Variants in GABRB1 observed in about 807,000 individuals in gnomAD.
The protein encoded by GABRB1 is gamma-aminobutyric acid type A receptor subunit beta1.
In GABRB1, 17 loss-of-function variants were observed where a neutral mutation model predicts 51.6. That is an observed-to-expected ratio of 0.33 (90% CI 0.23 to 0.49). GABRB1 has a LOEUF of 0.49. GABRB1 is among the 20% of genes least tolerant of loss of function. GABRB1 has a pLI of 0.99. For missense variants in GABRB1, 410 were observed against 600.6 expected (o/e 0.68, Z 3.32); for synonymous variants, 247 against 218.9 (o/e 1.13, Z -1.14).
rs866563112 is a variant in GABRB1, at chr4:47,377,043, T to A, written c.545-26275T>A. ...CCTCTAGCAATGAATTCTTTCAGGA[T>A]AAAAAAAAAGGGTAGAGAGTTCATT... On this transcript the variant is annotated intron_variant, in intron 5 of 8. Coordinates refer to ENST00000295454, the MANE Select transcript of GABRB1 (RefSeq NM_000812.4). Among the ~76,000 whole-genome samples the A allele has an allele frequency of 4.2e-3, 631 of 151,698 alleles. 1 individual carries two copies. Among genetic ancestry groups the A allele is most frequent in the Non-Finnish European group, 4.9e-3 (331 of 67,820 alleles).
Position 47,309,737 on chromosome 4 carries a change from A to G in GABRB1, c.462-10390A>G, listed in dbSNP as rs532389827. 4.6e-5 allele frequency among the ~76,000 whole-genome samples: 7 copies of G among 152,272 alleles called. No individual in the cohort carries two copies. The South Asian group carries it at 1.2e-3, about 27-fold the overall frequency. ...TACATACAATATAATCTCAATTTTA[A>G]GAAGAAAAGAAATTAATAATAAAAC... On this transcript the variant is annotated intron_variant, in intron 4 of 8. Transcript: ENST00000295454.
At chr4:47,376,886 T>A (rs1402189826) in intron 5 of GABRB1, among the ~76,000 whole-genome samples, 1 of 152,232 alleles carries the variant, frequency 6.6e-6, no homozygotes, top group Non-Finnish European at 1.5e-5. Flanking sequence ...ACAAGACAGA[T>A]GAGCTTTGCA....
intron 4 of GABRB1, among the ~76,000 whole-genome samples, chr4:47,238,831 A>G (rs1721422173): frequency 6.6e-6 from 1 of 152,216 alleles, no homozygotes; most frequent in South Asian, 2.1e-4. Context: ...GGCTGAATAT[A>G]CATATTAAAT....
At position 47,063,572 on chromosome 4, in the gene GABRB1, C is replaced by T. The variant is rs182873414; in HGVS notation, c.240+31088C>T. On this transcript the variant is annotated intron_variant, in intron 3 of 8. Coordinates refer to ENST00000295454, the MANE Select transcript of GABRB1 (RefSeq NM_000812.4). The stretch of plus-strand genomic sequence containing the variant: ...CCAACAAGGACACTGACCACTCCAA[C>T]TCTATCTGACAGGAGTGAGGAGAGC... Among the ~76,000 whole-genome samples the T allele has an allele frequency of 5.9e-5, 9 of 152,252 alleles. No individual in the cohort carries two copies. In the East Asian group the frequency reaches 1.5e-3, roughly 26 times the overall value.
intron 4 of GABRB1, among the ~76,000 whole-genome samples, chr4:47,209,047 A>G (rs1382750900): frequency 6.6e-6 from 1 of 152,168 alleles, no homozygotes; most frequent in African/African-American, 2.4e-5. Flanking sequence ...AAAGTATAAC[A>G]TGATGAACTG....
At chr4:47,392,338 CTTT>C (rs5858067) in intron 5 of GABRB1, among the ~76,000 whole-genome samples, 1 of 130,838 alleles carries the variant, frequency 7.6e-6, no homozygotes. Context: ...TCCCTTCCAC[CTTT>C]TTTTTTTTTT....
chr4:47,086,276 A>G (rs913347106), intron 3 of GABRB1, among the ~76,000 whole-genome samples: 7 of 152,208 alleles, frequency 4.6e-5, no homozygotes, highest in Non-Finnish European at 1.0e-4. Context: ...TACATGGTCA[A>G]CAGGAATTAG....
At chr4:47,094,949 C>T (rs1005761841) in intron 3 of GABRB1, among the ~76,000 whole-genome samples, 1 of 151,878 alleles carries the variant, frequency 6.6e-6, no homozygotes, top group African/African-American at 2.4e-5. Context: ...TAGGACTCAA[C>T]TTGAAAGAGA....
chr4:47,023,844 G>T (rs1475469353), intron 1 of GABRB1, among the ~76,000 whole-genome samples: 2 of 151,610 alleles, frequency 1.3e-5, no homozygotes, highest in Admixed American at 6.6e-5. Context: ...ATTGAGTAAG[G>T]GTGTAAACTA....
At chr4:47,029,181 G>A (rs531964221), upstream of GABRB1, among the ~76,000 whole-genome samples, 158 of 151,998 alleles carry the variant, frequency 1.0e-3, 1 homozygote, top group African/African-American at 3.3e-3. Flanking sequence ...TTTATCACTA[G>A]GGTATATTCT....
intron 5 of GABRB1, among the ~76,000 whole-genome samples, chr4:47,321,367 T>A (rs1036499847): frequency 5.9e-5 from 9 of 152,308 alleles, no homozygotes; most frequent in Non-Finnish European, 7.4e-5. Context: ...TGGAAATAGA[T>A]GAAGGTGTTA....
Position 47,032,073 on chromosome 4 carries a change from C to CAAAAAAA in GABRB1, c.172+75_172+81dup, listed in dbSNP as rs71654859. On this transcript the variant is annotated intron_variant, in intron 2 of 8. Coordinates refer to ENST00000295454, the MANE Select transcript of GABRB1 (RefSeq NM_000812.4). ...CTCCTTTTCTGTCAAAGATAAATGTCAAAAAAAAAAAAAGAAAAGGCATGT... is the reference window on the plus strand; with the variant it reads ...CTCCTTTTCTGTCAAAGATAAATGTCAAAAAAAAAAAAAAAAAAAAGAAAAGGCATGT... The CAAAAAAA allele has an allele frequency of 9.1e-4, 409 of 450,680 alleles. 15 individuals are homozygous for CAAAAAAA. The highest frequency in any genetic ancestry group is 3.4e-3 in the Admixed American group (72 of 20,920). 27.9% of individuals were successfully genotyped at this position (450,680 alleles called of 1,614,324 possible). A position where few individuals can be genotyped will look rare whatever the true frequency, so the allele number is the denominator to read the frequency against.
chr4:47,143,236 G>A (rs1244689769), intron 3 of GABRB1, among the ~76,000 whole-genome samples: 1 of 151,772 alleles, frequency 6.6e-6, no homozygotes, highest in Non-Finnish European at 1.5e-5. Context: ...TCATCAAAAA[G>A]AATTCCACAT....
Position 47,378,931 on chromosome 4 carries a change from C to T in GABRB1, c.545-24387C>T, listed in dbSNP as rs143451533. On this transcript the variant is annotated intron_variant, in intron 5 of 8. Transcript: ENST00000295454. Reference sequence around the variant, plus strand: ...TGAGACCAGAATCCAATTTCTGATTCAACGTCTTTTTCTCTCCGTCACACC... The same window carrying T: ...TGAGACCAGAATCCAATTTCTGATTTAACGTCTTTTTCTCTCCGTCACACC... Among the ~76,000 whole-genome samples the T allele has an allele frequency of 3.2e-3, 481 of 152,238 alleles. 6 individuals are homozygous for T. Among genetic ancestry groups the T allele is most frequent in the African/African-American group, 0.011 (438 of 41,540 alleles).
At chr4:47,420,693 G>A (rs1729066500) in intron 8 of GABRB1, among the ~76,000 whole-genome samples, 2 of 152,042 alleles carry the variant, frequency 1.3e-5, no homozygotes, top group Non-Finnish European at 2.9e-5. Context: ...TTTCTCCATG[G>A]ATATTATTTT....
chr4:47,352,774 C>A (rs1224832605), intron 5 of GABRB1, among the ~76,000 whole-genome samples: 1 of 152,146 alleles, frequency 6.6e-6, no homozygotes, highest in Non-Finnish European at 1.5e-5. Flanking sequence ...TTTGGGTTTG[C>A]TTATTTGAGA....
chr4:47,306,297 G>C (rs184624940), intron 4 of GABRB1, among the ~76,000 whole-genome samples: 75 of 148,268 alleles, frequency 5.1e-4, no homozygotes, highest in South Asian at 8.7e-4. Flanking sequence ...AAAAAGAAAA[G>C]AGGGATGGGA....
chr4:47,252,932 T>A (rs530982626), intron 4 of GABRB1, among the ~76,000 whole-genome samples: 67 of 152,300 alleles, frequency 4.4e-4, no homozygotes, highest in Non-Finnish European at 7.5e-4. Flanking sequence ...GTGATAACAA[T>A]AATAGAAAAC....
intron 5 of GABRB1, among the ~76,000 whole-genome samples, chr4:47,379,274 C>T (rs141608857): frequency 4.1e-4 from 62 of 152,088 alleles, no homozygotes; most frequent in African/African-American, 1.3e-3. Context: ...GATAGTTTGA[C>T]GTATACAATT....
Sources: allele counts gnomAD v4.1 joint callset (sites outside exome capture counted in the v4.1 genomes callset), GRCh38; gene constraint gnomAD v4.1.1; transcripts MANE v1.5; gene names NCBI Gene and HGNC (gene_info 2026-07-23, HGNC 2026-07-21).